The following BLVRA variants were observed in gnomAD, a reference collection of about 807,000 sequenced individuals.
The protein encoded by BLVRA is BVR A.
A neutral mutation model predicts 32.8 loss-of-function variants in BLVRA; 22 were observed. The observed-to-expected ratio is 0.67, with a 90% confidence interval of 0.48 to 0.96. BLVRA has a LOEUF of 0.96. BLVRA is among the 40% of genes least tolerant of loss of function. BLVRA has a pLI of 0.00. For synonymous variants in BLVRA, 119 were observed against 141.3 expected, an observed-to-expected ratio of 0.84 and a Z score of 1.12; for missense variants, 323 against 358.1, an observed-to-expected ratio of 0.90 and a Z score of 0.79.
At chr7:43,765,128 C>T (rs527933200) in intron 1 of BLVRA, among the ~76,000 whole-genome samples, 3 of 152,344 alleles carry the variant, frequency 2.0e-5, no homozygotes, top group African/African-American at 4.8e-5. Context: ...TAAATTGCTT[C>T]AAGCAAGTTG....
chr7:43,806,953 TTCTTTTG>T lies in BLVRA; in HGVS notation c.633-11_633-5del. ...TGCTCTTGTGTAATCTCTAACATGA[TTCTTTTG>T]TCTTTTGTCTTTGCAGTCCACTGTC... On this transcript the variant is annotated splice_polypyrimidine_tract_variant and intron_variant, in intron 7 of 7. Transcript: ENST00000265523. 2 of 1,612,938 alleles carry T rather than the reference TTCTTTTG, an allele frequency of 1.2e-6. No homozygotes were observed. Among genetic ancestry groups the T allele is most frequent in the Non-Finnish European group, 1.7e-6 (2 of 1,179,938 alleles).
intron 2 of BLVRA, among the ~76,000 whole-genome samples, chr7:43,771,506 C>G (rs1014325370): frequency 2.6e-5 from 4 of 152,226 alleles, no homozygotes; most frequent in Admixed American, 6.5e-5. Context: ...GCATTGTCTC[C>G]TTGGTGCTCT....
intron 2 of BLVRA, among the ~76,000 whole-genome samples, chr7:43,773,137 T>A (rs1430527616): frequency 6.6e-6 from 1 of 152,112 alleles, no homozygotes; most frequent in Non-Finnish European, 1.5e-5. Flanking sequence ...TTAATTTAAT[T>A]TTATTTTATT....
At chr7:43,758,840 G>T (rs2095739175) in intron 1 of BLVRA, 106 bp downstream of exon 1, 2 of 151,474 alleles carry the variant, frequency 1.3e-5, no homozygotes, top group African/African-American at 2.4e-5. Context: ...CCCGCAGGAG[G>T]CCCGGGCCCG....
intron 3 of BLVRA, among the ~76,000 whole-genome samples, chr7:43,790,768 A>C (rs1002744009): frequency 6.6e-6 from 1 of 151,996 alleles, no homozygotes; most frequent in Admixed American, 6.6e-5. Context: ...CATCTCCCGG[A>C]TTCAAGTGAT....
intron 1 of BLVRA, among the ~76,000 whole-genome samples, chr7:43,761,077 C>T (rs942579185): frequency 6.6e-6 from 1 of 152,174 alleles, no homozygotes; most frequent in Admixed American, 6.5e-5. Flanking sequence ...GCCTCTCTTC[C>T]GTCTTTGAGC....
intron 5 of BLVRA, among the ~76,000 whole-genome samples, chr7:43,796,717 T>A (rs2095793253): frequency 6.6e-6 from 1 of 152,268 alleles, no homozygotes; most frequent in Middle Eastern, 3.4e-3. Flanking sequence ...CTAATCAAAC[T>A]TAAAACCTTC....
intron 5 of BLVRA, among the ~76,000 whole-genome samples, chr7:43,797,318 C>T (rs923365282): frequency 1.8e-4 from 28 of 152,338 alleles, no homozygotes; most frequent in Admixed American, 1.6e-3. Flanking sequence ...GAACTCCTGG[C>T]CTCAAGTGAT....
chr7:43,768,458 C>T (rs908434557), intron 1 of BLVRA, among the ~76,000 whole-genome samples: 2 of 152,134 alleles, frequency 1.3e-5, no homozygotes, highest in Admixed American at 1.3e-4. Flanking sequence ...GGCAGTGCCG[C>T]AGTGCCTTGG....
chr7:43,802,783 G>A (rs957763163), intron 6 of BLVRA, among the ~76,000 whole-genome samples: 1 of 152,196 alleles, frequency 6.6e-6, no homozygotes, highest in African/African-American at 2.4e-5. Context: ...TTATAGGCAT[G>A]AGCTACTGTA....
chr7:43,776,887 C>G (rs1407538686), intron 2 of BLVRA, among the ~76,000 whole-genome samples: 3 of 152,178 alleles, frequency 2.0e-5, no homozygotes, highest in African/African-American at 7.2e-5. Flanking sequence ...ATCCCTTTAT[C>G]ATTATGTAAT....
intron 2 of BLVRA, among the ~76,000 whole-genome samples, chr7:43,782,520 C>T (rs1224833745): frequency 6.6e-6 from 1 of 151,992 alleles, no homozygotes; most frequent in Non-Finnish European, 1.5e-5. Context: ...ATCCAGGGCG[C>T]GGTGGGAAAG....
intron 1 of BLVRA, among the ~76,000 whole-genome samples, chr7:43,770,620 C>A (rs952301699): frequency 2.0e-5 from 3 of 152,134 alleles, no homozygotes; most frequent in Non-Finnish European, 4.4e-5. Context: ...TCCTTGCTAC[C>A]CCTGCTCACC....
chr7:43,792,964 A>G (rs949828789), intron 5 of BLVRA, 152 bp downstream of exon 5: 1 of 780,404 alleles, frequency 1.3e-6, no homozygotes, highest in Non-Finnish European at 2.1e-6. Context: ...CACTGTAAAC[A>G]CAGATAGTGG....
chr7:43,800,677 T>C, intron 6 of BLVRA, 105 bp downstream of exon 6: 1 of 1,054,840 alleles, frequency 9.5e-7, no homozygotes, highest in Non-Finnish European at 1.4e-6. Context: ...TGCTCAAGAC[T>C]CTCTGACTCA....
At chr7:43,772,959 C>T (rs970773109) in intron 2 of BLVRA, among the ~76,000 whole-genome samples, 1 of 152,194 alleles carries the variant, frequency 6.6e-6, no homozygotes, top group African/African-American at 2.4e-5. Context: ...AAACTGCACA[C>T]TCCTGCCTGC....
At chr7:43,769,250 G>A (rs978923445) in intron 1 of BLVRA, among the ~76,000 whole-genome samples, 25 of 151,974 alleles carry the variant, frequency 1.6e-4, no homozygotes, top group African/African-American at 5.3e-4. Context: ...AGCTGGTCTC[G>A]GACTCCTGGG....
chr7:43,765,501 C>T (rs2095746843), intron 1 of BLVRA, among the ~76,000 whole-genome samples: 3 of 152,230 alleles, frequency 2.0e-5, no homozygotes, highest in African/African-American at 7.2e-5. Flanking sequence ...ATCCGCCCGC[C>T]TCGGCCTCCC....
intron 5 of BLVRA, among the ~76,000 whole-genome samples, chr7:43,798,860 GA>G (rs1284079909): frequency 6.6e-6 from 1 of 151,808 alleles, no homozygotes; most frequent in Admixed American, 6.6e-5. Flanking sequence ...TGAACGACAG[GA>G]AAACAACAAA....
Sources: allele counts gnomAD v4.1 joint callset (sites outside exome capture counted in the v4.1 genomes callset), GRCh38; gene constraint gnomAD v4.1.1; transcripts MANE v1.5; gene names NCBI Gene and HGNC (gene_info 2026-07-23, HGNC 2026-07-21).